KPRP: variants seen among roughly 807,000 people sequenced by gnomAD.
KPRP encodes keratinocyte proline rich protein, also known as keratinocyte proline-rich protein.
For missense variants in KPRP, 820 were observed against 746.4 expected, an observed-to-expected ratio of 1.10 and a Z score of -1.15; for synonymous variants, 282 against 276.9, an observed-to-expected ratio of 1.02 and a Z score of -0.18.
chr1:152,761,915 T>A (rs922448758), exon 1 of KPRP: 1 of 168,440 alleles, frequency 5.9e-6, no homozygotes, highest in Non-Finnish European at 1.4e-5. Context: ...TCTCTAAATC[T>A]CAGTGTCTAT....
At chr1:152,758,905 G>A (rs1651020687), upstream of KPRP, among the ~76,000 whole-genome samples, 1 of 152,188 alleles carries the variant, frequency 6.6e-6, no homozygotes, top group Admixed American at 6.5e-5. Flanking sequence ...CTTTGCACGT[G>A]TCATGTTTAA....
chr1:152,761,491 C>T (rs1216700853), exon 1 of KPRP: 20 of 1,355,960 alleles, frequency 1.5e-5, no homozygotes, highest in Non-Finnish European at 1.9e-5. Context: ...CAAAGATCCA[C>T]ACCTGGGTCT....
upstream of KPRP, among the ~76,000 whole-genome samples, chr1:152,758,360 A>T (rs1158320066): frequency 6.6e-6 from 1 of 152,192 alleles, no homozygotes; most frequent in Non-Finnish European, 1.5e-5. Context: ...TTTACACCTT[A>T]TGAGCAAAGT....
rs757270096 is a variant in KPRP at position 152,760,830 on chromosome 1, A to G, written c.1242A>G (p.Ile414Met). 79 of 1,613,944 alleles carry G rather than the reference A, an allele frequency of 4.9e-5. No individual in the cohort carries two copies. Among genetic ancestry groups the G allele is most frequent in the Admixed American group, 2.2e-4 (13 of 59,970 alleles). ...CACGTCTGCGCCCAGAACCATGCAT[A>G]AGTCTAGAACCACGCCCGCGTCCTC... Residue 414 changes from isoleucine (I) to methionine (M), a missense_variant, in exon 1 of 1, where the codon ATA (isoleucine) becomes ATG (methionine). Transcript: ENST00000606109.
exon 1 of KPRP, chr1:152,760,165 C>T: frequency 6.2e-7 from 1 of 1,614,052 alleles, no homozygotes; most frequent in Non-Finnish European, 8.5e-7. Flanking sequence ...CAGTTGTGGC[C>T]CCCAGTTTCA....
At chr1:152,760,743 ACGG>A in exon 1 of KPRP, 1 of 1,614,008 alleles carries the variant, frequency 6.2e-7, no homozygotes, top group Non-Finnish European at 8.5e-7. Context: ...TCTGTCCACC[ACGG>A]CGTCTTGACC....
At chr1:152,759,286 G>A (rs1479151940), upstream of KPRP, among the ~76,000 whole-genome samples, 3 of 152,176 alleles carry the variant, frequency 2.0e-5, no homozygotes, top group Admixed American at 6.5e-5. Flanking sequence ...GTGTGGAGAC[G>A]AAAGGAGAAT....
At chr1:152,760,419 C>A (rs1651079247) in exon 1 of KPRP, 1 of 1,614,066 alleles carries the variant, frequency 6.2e-7, no homozygotes, top group Non-Finnish European at 8.5e-7. Flanking sequence ...GTTTTGAGCC[C>A]TGCTCCAGCA....
chr1:152,760,395 T>C (rs759324604), exon 1 of KPRP: 11 of 1,613,898 alleles, frequency 6.8e-6, no homozygotes, highest in East Asian at 2.2e-5. Context: ...CCCGCAGCTG[T>C]TCCCCACCAA....
In KPRP at chr1:152,760,588, T is replaced by C. The variant is rs754041147; in HGVS notation, c.1000T>C (p.Cys334Arg). 1.9e-6 allele frequency: 3 copies of C among 1,608,918 alleles called. No individual in the cohort carries two copies. The South Asian group carries it at 3.3e-5, about 18-fold the overall frequency. Residue 334 changes from cysteine (C) to arginine (R), a missense_variant, in exon 1 of 1, where the codon TGC becomes CGC. Physicochemically the swap from Cys to Arg is radical, Grantham distance 180 (BLOSUM62 -3). Coordinates refer to ENST00000606109, the Ensembl canonical transcript of KPRP. ...CCGAATCGAGATTTCCTCCCCGTGC[T>C]GCCCCAGGCAGGTTCCCCCACAGAG...
At chr1:152,761,025 T>C in exon 1 of KPRP, 1 of 1,612,894 alleles carries the variant, frequency 6.2e-7, no homozygotes. Context: ...CAGAGCCAAT[T>C]CCCCTGCCGG....
rs1651106934 is a variant in KPRP, at chr1:152,761,009, C to T, written c.1421C>T (p.Pro474Leu). 3.1e-6 allele frequency: 5 copies of T among 1,612,564 alleles called. No individual in the cohort carries two copies. The East Asian group carries it at 6.7e-5, about 22-fold the overall frequency. Residue 474 changes from proline (P) to leucine (L), a missense_variant, in exon 1 of 1, where the codon CCA becomes CTA. Coordinates refer to ENST00000606109, the Ensembl canonical transcript of KPRP. The stretch of plus-strand genomic sequence containing the variant: ...CCCTGTGAGCACCCAGAGCCTTGTC[C>T]ACGACCAGAGCCAATTCCCCTGCCG...
exon 1 of KPRP, chr1:152,761,243 C>T (rs1362750341): frequency 2.5e-6 from 4 of 1,614,032 alleles, no homozygotes; most frequent in African/African-American, 2.7e-5. Flanking sequence ...GATGTGTTTC[C>T]AGAGCGGAGG....
At chr1:152,758,845 G>A (rs1651019334), upstream of KPRP, among the ~76,000 whole-genome samples, 1 of 152,242 alleles carries the variant, frequency 6.6e-6, no homozygotes, top group Non-Finnish European at 1.5e-5. Context: ...TGGGCAAGTT[G>A]CCATGGTGGT....
rs1309511381 is a variant in KPRP at position 152,761,158 on chromosome 1, G to A, written c.1570G>A (p.Asp524Asn). 2.0e-5 allele frequency: 32 copies of A among 1,614,182 alleles called. No homozygotes were observed. Among genetic ancestry groups the A allele is most frequent in the Non-Finnish European group, 2.6e-5 (31 of 1,180,032 alleles). Residue 524 changes from aspartate (D) to asparagine (N), a missense_variant, in exon 1 of 1, where the codon GAC becomes AAC. By Grantham distance (23) the Asp-to-Asn change is conservative. Transcript: ENST00000606109. ...TCATGAGTCTAGTCCACACCGCCTA[G>A]ACACCGAAGCTCCCTACTGTGGCCC... is the stretch of plus-strand genomic sequence containing the variant.
At chr1:152,760,473 C>T (rs893702052) in exon 1 of KPRP, 1 of 1,613,330 alleles carries the variant, frequency 6.2e-7, no homozygotes, top group Non-Finnish European at 8.5e-7. Flanking sequence ...CTAACTACTG[C>T]ACCCCACCCC....
chr1:152,758,883 T>G (rs897489331), upstream of KPRP, among the ~76,000 whole-genome samples: 1 of 152,280 alleles, frequency 6.6e-6, no homozygotes, highest in African/African-American at 2.4e-5. Flanking sequence ...TGGTGTGTTT[T>G]GCATGGGCAC....
chr1:152,761,031 G>GCCGGCGCCCTGCCCAAGC (rs1553199681), exon 1 of KPRP: 1 of 1,613,210 alleles, frequency 6.2e-7, no homozygotes, highest in Non-Finnish European at 8.5e-7. Context: ...CAATTCCCCT[G>GCCGGCGCCCTGCCCAAGC]CCGGCGCCCT....
At chr1:152,759,207 A>G (rs961493113), upstream of KPRP, among the ~76,000 whole-genome samples, 1 of 152,230 alleles carries the variant, frequency 6.6e-6, no homozygotes, top group Non-Finnish European at 1.5e-5. Context: ...ACTTTGGGCT[A>G]TAGCCTTAGG....
Sources: gnomAD v4.1 joint callset for allele counts (sites outside exome capture counted in the v4.1 genomes callset) on GRCh38, gnomAD v4.1.1 for gene constraint, MANE v1.5 for transcripts, NCBI Gene and HGNC (gene_info 2026-07-23, HGNC 2026-07-21) for gene names.